RSU1: variants seen among roughly 807,000 people sequenced by gnomAD.
The protein encoded by RSU1 is Ras suppressor protein 1, also known as rsu-1.
Under a neutral mutation model 31.1 loss-of-function variants are expected in RSU1, and 26 were observed. That is an observed-to-expected ratio of 0.84 (90% confidence interval 0.61 to 1.16). The LOEUF (loss-of-function observed/expected upper bound fraction) is 1.16. RSU1 is among the 50% of genes most tolerant of loss of function. RSU1 has a pLI of 0.00. For synonymous variants in RSU1, 164 were observed against 136.3 expected (o/e 1.20, Z -1.41); for missense variants, 320 against 339.1 (o/e 0.94, Z 0.44).
chr10:16,807,063 C>G (rs1838287493), intron 2 of RSU1, among the ~76,000 whole-genome samples: 2 of 152,196 alleles, frequency 1.3e-5, no homozygotes, highest in East Asian at 3.9e-4. Flanking sequence ...GGGATTACAG[C>G]AGGCATGAGC....
chr10:16,809,824 G>A (rs1321555608), intron 2 of RSU1, among the ~76,000 whole-genome samples: 1 of 147,064 alleles, frequency 6.8e-6, no homozygotes, highest in Admixed American at 7.1e-5. Context: ...AAAGCAGTGA[G>A]TGTTATAGTT....
chr10:16,812,515 C>T (rs1393571171), intron 2 of RSU1, among the ~76,000 whole-genome samples: 3 of 151,918 alleles, frequency 2.0e-5, no homozygotes, highest in Non-Finnish European at 4.4e-5. Flanking sequence ...AGGTCCTCCC[C>T]AGCTCTTTAA....
At position 16,791,775 on chromosome 10, in the gene RSU1, A is replaced by G. The variant is rs147253701; in HGVS notation, c.110-9691T>C. 3.7e-3 allele frequency among the ~76,000 whole-genome samples: 565 copies of G among 152,344 alleles called. 5 individuals are homozygous for G. Among genetic ancestry groups the G allele is most frequent in the African/African-American group, 0.012 (510 of 41,584 alleles). On this transcript the variant is annotated intron_variant, in intron 2 of 8. Transcript: ENST00000345264. ...TCTTCTTCAGGATAAAGTAGACAAT[A>G]TAAGGAAGGCAAAATAAGCAGGATA...
At chr10:16,738,874 C>T (rs537107681) in intron 7 of RSU1, among the ~76,000 whole-genome samples, 98 of 151,670 alleles carry the variant, frequency 6.5e-4, no homozygotes, top group African/African-American at 2.2e-3. Context: ...CCCACCCCCC[C>T]AGCGGACCCC....
intron 2 of RSU1, among the ~76,000 whole-genome samples, chr10:16,796,638 G>T (rs1264524599): frequency 6.6e-6 from 1 of 152,068 alleles, no homozygotes; most frequent in African/African-American, 2.4e-5. Flanking sequence ...TTGAGTACCT[G>T]GTCTGCATCA....
In RSU1 at chr10:16,781,978, G is replaced by A. The variant is rs751035509; in HGVS notation, c.160+56C>T. On this transcript the variant is annotated intron_variant, in intron 3 of 8. Transcript: ENST00000345264. ...CAAGGAAACAGTAACAGACTCAGCA[G>A]TGCCATAGGATTACCTAAATGTCAG... 3.5e-6 allele frequency: 5 copies of A among 1,426,072 alleles called. No homozygotes were observed. In the African/African-American group the frequency reaches 7.1e-5, roughly 20 times the overall value. 88.3% of individuals were successfully genotyped at this position (1,426,072 alleles called of 1,614,324 possible). A position where few individuals can be genotyped will look rare whatever the true frequency, so the allele number is the denominator to read the frequency against.
At chr10:16,782,581 A>T (rs1837676622) in intron 2 of RSU1, among the ~76,000 whole-genome samples, 1 of 152,144 alleles carries the variant, frequency 6.6e-6, no homozygotes, top group Non-Finnish European at 1.5e-5. Flanking sequence ...CCCATCCAGA[A>T]ATTCTCCTCC....
intron 7 of RSU1, among the ~76,000 whole-genome samples, chr10:16,699,163 C>T (rs1395349937): frequency 2.0e-5 from 3 of 152,024 alleles, no homozygotes; most frequent in Admixed American, 1.3e-4. Flanking sequence ...ACCGCGCGAG[C>T]GAAACAGAGC....
At chr10:16,642,498 G>C (rs1834462558) in intron 8 of RSU1, among the ~76,000 whole-genome samples, 1 of 152,086 alleles carries the variant, frequency 6.6e-6, no homozygotes, top group South Asian at 2.1e-4. Flanking sequence ...CATGCTGGGG[G>C]AAGAGCCACT....
chr10:16,632,153 AG>A (rs1330543608), intron 8 of RSU1, among the ~76,000 whole-genome samples: 8 of 152,170 alleles, frequency 5.3e-5, no homozygotes, highest in Non-Finnish European at 1.2e-4. Flanking sequence ...AAAGTCAAGG[AG>A]AAAAAACATG....
At chr10:16,677,488 G>C (rs890164022) in intron 8 of RSU1, among the ~76,000 whole-genome samples, 2 of 152,152 alleles carry the variant, frequency 1.3e-5, no homozygotes, top group Non-Finnish European at 2.9e-5. Context: ...TGCAGGTCCT[G>C]AATTTTTCTA....
chr10:16,751,862 G>C (rs1836986797), intron 7 of RSU1, among the ~76,000 whole-genome samples: 2 of 152,204 alleles, frequency 1.3e-5, no homozygotes, highest in African/African-American at 4.8e-5. Flanking sequence ...TGAACCTTTT[G>C]CAGTGGAACG....
In RSU1 at chr10:16,667,935, G is replaced by A. The variant is rs147583996; in HGVS notation, c.731+27088C>T. ...AAGTTACATTCTAGTAGAAAAAAAC[G>A]TATTAATCAAATAACCACACAAATA... On this transcript the variant is annotated intron_variant, in intron 8 of 8. Transcript: ENST00000345264. Among the ~76,000 whole-genome samples the A allele has an allele frequency of 4.8e-3, 728 of 152,222 alleles. 5 individuals carry two copies. The highest frequency in any genetic ancestry group is 6.2e-3 in the South Asian group (30 of 4,812).
chr10:16,639,080 G>A (rs1174690256), intron 8 of RSU1, among the ~76,000 whole-genome samples: 1 of 152,118 alleles, frequency 6.6e-6, no homozygotes, highest in African/African-American at 2.4e-5. Context: ...GTTGACGAGT[G>A]GTAATGTATG....
intron 8 of RSU1, among the ~76,000 whole-genome samples, chr10:16,685,364 G>A (rs1049398188): frequency 1.3e-5 from 2 of 152,184 alleles, no homozygotes; most frequent in East Asian, 1.9e-4. Flanking sequence ...AATTCAGGGC[G>A]AGTCCACAGA....
rs1834063028 is a variant in RSU1 at position 16,621,200 on chromosome 10, G to C, written c.732-27704C>G. Reference sequence around the variant, plus strand: ...TGTCACACCTTGGGCGCCTGTGGGGGTGTGTTATTGGCATCTAGCAGGTGG... The same window carrying C: ...TGTCACACCTTGGGCGCCTGTGGGGCTGTGTTATTGGCATCTAGCAGGTGG... On this transcript the variant is annotated intron_variant, in intron 8 of 8. Transcript: ENST00000345264. Among the ~76,000 whole-genome samples, 3 of 152,176 alleles carry C rather than the reference G, an allele frequency of 2.0e-5. No homozygotes were observed. The South Asian group carries it at 6.2e-4, about 32-fold the overall frequency.
chr10:16,757,607 G>C (rs1184710136), intron 4 of RSU1, among the ~76,000 whole-genome samples: 3 of 152,210 alleles, frequency 2.0e-5, no homozygotes, highest in Non-Finnish European at 4.4e-5. Flanking sequence ...GATGGAGCTT[G>C]TCATTAATGC....
At chr10:16,660,932 G>A (rs1169219228) in intron 8 of RSU1, among the ~76,000 whole-genome samples, 2 of 152,088 alleles carry the variant, frequency 1.3e-5, no homozygotes, top group Non-Finnish European at 2.9e-5. Flanking sequence ...ACAGGTGTGA[G>A]CCACTGTTCC....
At chr10:16,643,152 G>A (rs1045185715) in intron 8 of RSU1, among the ~76,000 whole-genome samples, 10 of 152,158 alleles carry the variant, frequency 6.6e-5, no homozygotes, top group African/African-American at 2.4e-4. Context: ...TACAGTATAT[G>A]AACTCAGTAA....
Sources: gnomAD v4.1 joint callset for allele counts (sites outside exome capture counted in the v4.1 genomes callset) on GRCh38, gnomAD v4.1.1 for gene constraint, MANE v1.5 for transcripts, NCBI Gene and HGNC (gene_info 2026-07-23, HGNC 2026-07-21) for gene names.